The following OTOGL variants were observed in gnomAD, a reference collection of about 807,000 sequenced individuals.
OTOGL encodes the protein otogelin-like protein.
Under a neutral mutation model 318.5 loss-of-function variants are expected in OTOGL, and 285 were observed. The observed-to-expected ratio is 0.89, with a 90% confidence interval of 0.81 to 0.99. The LOEUF (loss-of-function observed/expected upper bound fraction) is 0.99, where lower values mean the gene tolerates loss of function less well. Ranked by LOEUF, OTOGL falls within the 50% of genes least tolerant of loss-of-function variation. The pLI is 0.00. For missense variants in OTOGL, 2,899 were observed against 2,845.6 expected, an observed-to-expected ratio of 1.02 and a Z score of -0.43; for synonymous variants, 987 against 936.5, an observed-to-expected ratio of 1.05 and a Z score of -0.99.
chr12:80,187,961 A>C (rs986878617), intron 1 of OTOGL, among the ~76,000 whole-genome samples: 1 of 152,194 alleles, frequency 6.6e-6, no homozygotes, highest in Non-Finnish European at 1.5e-5. Flanking sequence ...AAACAGCCAC[A>C]ATGAATTGGA....
In OTOGL at chr12:80,267,797, C is replaced by T. The variant is rs550856753; in HGVS notation, c.2465+470C>T. 7.2e-5 allele frequency among the ~76,000 whole-genome samples: 11 copies of T among 151,804 alleles called. No homozygotes were observed. The South Asian group carries it at 2.3e-3, about 32-fold the overall frequency. ...CAAACACATATATACATAATACATG[C>T]ATATATGACATTTCAAAGTGAAATA... On this transcript the variant is annotated intron_variant, in intron 22 of 58. Transcript: ENST00000547103.
At chr12:80,253,368 C>A (rs749759903) in intron 13 of OTOGL, 98 bp from the exon 14 acceptor site, 29 of 1,049,804 alleles carry the variant, frequency 2.8e-5, no homozygotes, top group Non-Finnish European at 3.6e-5. Flanking sequence ...CAGCATCATG[C>A]GTAGGTATTC....
intron 1 of OTOGL, among the ~76,000 whole-genome samples, chr12:80,154,673 A>G (rs1035959648): frequency 5.3e-5 from 8 of 152,210 alleles, no homozygotes; most frequent in African/African-American, 1.4e-4. Flanking sequence ...GATATACTAT[A>G]TTAATTCATT....
At chr12:80,356,364 G>C in intron 47 of OTOGL, 52 bp from the exon 48 acceptor site, 1 of 1,377,430 alleles carries the variant, frequency 7.3e-7, no homozygotes, top group Non-Finnish European at 1.0e-6. Context: ...GCTTTGAGTT[G>C]GCAGATTTTA....
chr12:80,208,379 A>G (rs571847177), intron 1 of OTOGL: 4 of 377,216 alleles, frequency 1.1e-5, no homozygotes, highest in Non-Finnish European at 1.5e-5. Context: ...GTACAACAGG[A>G]TATTAACAAC....
At chr12:80,222,953 A>ATGAATAAGTTCATTAG (rs11271630) in intron 7 of OTOGL, among the ~76,000 whole-genome samples, 2 of 151,674 alleles carry the variant, frequency 1.3e-5, no homozygotes, top group African/African-American at 4.9e-5. Context: ...GTTTGGTTAC[A>ATGAATAAGTTCATTAG]TGTTGATTTC....
At chr12:80,289,724 GT>G (rs1353051146) in intron 26 of OTOGL, among the ~76,000 whole-genome samples, 1 of 152,186 alleles carries the variant, frequency 6.6e-6, no homozygotes, top group Non-Finnish European at 1.5e-5. Flanking sequence ...TCAAGCCTCA[GT>G]AATGGCGGAC....
intron 10 of OTOGL, 40 bp from the exon 11 acceptor site, chr12:80,239,293 A>G (rs760590182): frequency 1.3e-5 from 19 of 1,419,708 alleles, no homozygotes; most frequent in Middle Eastern, 1.8e-4. Context: ...TACACATACC[A>G]TGAAACATAG....
At chr12:80,293,657 C>T (rs1846608224) in intron 26 of OTOGL, among the ~76,000 whole-genome samples, 1 of 145,164 alleles carries the variant, frequency 6.9e-6, no homozygotes, top group African/African-American at 2.5e-5. Flanking sequence ...ATATGTTCAG[C>T]TTTTTTTTTT....
chr12:80,341,242 G>A (rs1888751107), intron 43 of OTOGL, among the ~76,000 whole-genome samples: 1 of 152,068 alleles, frequency 6.6e-6, no homozygotes, highest in South Asian at 2.1e-4. Flanking sequence ...AAGGTAAATA[G>A]AGGCTGCAGC....
rs186614557 is a variant in OTOGL, at chr12:80,291,984, C to A, written c.2929-4843C>A. 7.7e-4 allele frequency among the ~76,000 whole-genome samples: 116 copies of A among 151,342 alleles called. No individual in the cohort carries two copies. The East Asian group carries it at 0.017, about 22-fold the overall frequency. On this transcript the variant is annotated intron_variant, in intron 26 of 58. Coordinates refer to ENST00000547103, the MANE Select transcript of OTOGL (RefSeq NM_001378609.3). ...CTTTTTTTTCTTTTTCTTTTCTTTT[C>A]TTTTTCTTTTTTTGTTTTTTTGAGA... is the stretch of plus-strand genomic sequence containing the variant.
At chr12:80,172,468 G>A (rs909455625) in intron 1 of OTOGL, among the ~76,000 whole-genome samples, 2 of 152,256 alleles carry the variant, frequency 1.3e-5, no homozygotes, top group African/African-American at 2.4e-5. Context: ...GGTAATGTGC[G>A]TCATTGGTCT....
chr12:80,099,560 C>G lies in OTOGL; in HGVS notation c.-65C>G, dbSNP rs960583113. ...TCAGACCTTCAGATAAAGGAGCTCT[C>G]GAAATACAACCCATAAGGAATAAAG... On this transcript the variant is annotated 5_prime_UTR_variant, in exon 1 of 59. Coordinates refer to ENST00000547103, the MANE Select transcript of OTOGL (RefSeq NM_001378609.3). 4 of 152,060 alleles carry G rather than the reference C, an allele frequency of 2.6e-5. No individual in the cohort carries two copies. The highest frequency in any genetic ancestry group is 5.9e-5 in the Non-Finnish European group (4 of 68,022). The allele number at this position is 152,060 out of a possible 1,614,324, so 9.4% of individuals were successfully genotyped here. A position where few individuals can be genotyped will look rare whatever the true frequency, so the allele number is the denominator to read the frequency against.
Position 80,320,714 on chromosome 12 carries a change from G to A in OTOGL, c.4081+14G>A. On this transcript the variant is annotated intron_variant, in intron 34 of 58. Coordinates refer to ENST00000547103, the MANE Select transcript of OTOGL (RefSeq NM_001378609.3). ...TCAGCATAGAAGGTATGTTTCCTGA[G>A]ATCTCCAAAAAGAGAACAAATAGGT... 1.3e-6 allele frequency: 2 copies of A among 1,566,822 alleles called. No individual in the cohort carries two copies. Among genetic ancestry groups the A allele is most frequent in the Admixed American group, 1.9e-5 (1 of 51,748 alleles).
At chr12:80,318,810 A>G (rs1057507072) in intron 33 of OTOGL, 97 bp downstream of exon 33, 23 of 958,800 alleles carry the variant, frequency 2.4e-5, no homozygotes, top group Non-Finnish European at 3.0e-5. Context: ...TGTTTATGGT[A>G]TTTTTTAAAA....
intron 46 of OTOGL, among the ~76,000 whole-genome samples, chr12:80,354,440 G>T (rs1310348291): frequency 6.6e-6 from 1 of 152,104 alleles, no homozygotes; most frequent in East Asian, 1.9e-4. Flanking sequence ...AATGGACTAA[G>T]ATACTGGAGG....
At chr12:80,345,215 A>AAT (rs3045903) in intron 44 of OTOGL, among the ~76,000 whole-genome samples, 34,538 of 138,592 alleles carry the variant, frequency 0.25, 4,672 homozygotes, top group Middle Eastern at 0.38. Flanking sequence ...TTATGTATAA[A>AAT]ATATATATAT....
intron 13 of OTOGL, among the ~76,000 whole-genome samples, chr12:80,252,824 A>G (rs145493675): frequency 7.8e-4 from 119 of 152,312 alleles, no homozygotes; most frequent in African/African-American, 2.8e-3. Flanking sequence ...TACTCAAAGT[A>G]TGGCGGACCA....
At chr12:80,202,299 C>G (rs1041027643) in intron 1 of OTOGL, among the ~76,000 whole-genome samples, 39 of 143,172 alleles carry the variant, frequency 2.7e-4, no homozygotes, top group African/African-American at 1.0e-3. Context: ...GAGAAGGAGT[C>G]TCACTCTGTT....
Sources: allele counts gnomAD v4.1 joint callset (sites outside exome capture counted in the v4.1 genomes callset), GRCh38; gene constraint gnomAD v4.1.1; transcripts MANE v1.5; gene names NCBI Gene and HGNC (gene_info 2026-07-23, HGNC 2026-07-21).